GALNTL6: variants seen among roughly 807,000 people sequenced by gnomAD.
GALNTL6 encodes polypeptide N-acetylgalactosaminyltransferase like 6.
GALNTL6 carries 46 observed loss-of-function variants against 73.7 expected under a neutral mutation model. The ratio of observed to expected loss-of-function variants is 0.62; its 90% confidence interval spans 0.49 to 0.80. The LOEUF (loss-of-function observed/expected upper bound fraction) is 0.80, where lower values mean the gene tolerates loss of function less well. Ranked by LOEUF, GALNTL6 falls within the 30% of genes least tolerant of loss-of-function variation. The pLI is 0.00. For missense variants in GALNTL6, 604 were observed against 755.0 expected (o/e 0.80, Z 2.34); for synonymous variants, 259 against 263.7 (o/e 0.98, Z 0.17).
At chr4:172,019,371 T>G (rs1741323901) in intron 2 of GALNTL6, among the ~76,000 whole-genome samples, 1 of 152,018 alleles carries the variant, frequency 6.6e-6, no homozygotes, top group East Asian at 1.9e-4. Flanking sequence ...TTGATCTCCT[T>G]ATAGATGAAT....
chr4:173,028,469 C>T (rs1303963701), intron 12 of GALNTL6, among the ~76,000 whole-genome samples: 2 of 151,916 alleles, frequency 1.3e-5, no homozygotes, highest in Admixed American at 6.6e-5. Flanking sequence ...TTGGAATTTC[C>T]CCCTCTTTCT....
At chr4:171,930,174 C>T (rs553266444) in intron 2 of GALNTL6, among the ~76,000 whole-genome samples, 3 of 152,234 alleles carry the variant, frequency 2.0e-5, no homozygotes, top group Non-Finnish European at 4.4e-5. Flanking sequence ...GGAGAGCACA[C>T]GCGACAGCCT....
intron 10 of GALNTL6, among the ~76,000 whole-genome samples, chr4:173,000,271 G>A (rs999322350): frequency 2.6e-5 from 4 of 151,994 alleles, no homozygotes; most frequent in Admixed American, 6.6e-5. Context: ...TCAAACTCTG[G>A]GCAGTCTAAC....
intron 7 of GALNTL6, among the ~76,000 whole-genome samples, chr4:172,819,591 G>A (rs898190490): frequency 7.9e-5 from 12 of 152,160 alleles, no homozygotes; most frequent in African/African-American, 1.9e-4. Flanking sequence ...TCTTTCACAC[G>A]TGATGAAGGG....
chr4:172,526,225 T>C (rs972813960), intron 5 of GALNTL6, among the ~76,000 whole-genome samples: 1 of 152,216 alleles, frequency 6.6e-6, no homozygotes, highest in African/African-American at 2.4e-5. Flanking sequence ...AGTTGTAAAA[T>C]ATGTCATATT....
chr4:172,598,189 C>G (rs145406316), intron 5 of GALNTL6, among the ~76,000 whole-genome samples: 4 of 152,182 alleles, frequency 2.6e-5, no homozygotes, highest in African/African-American at 7.2e-5. Context: ...GGCCATCTGC[C>G]TTTTCTGTGT....
intron 2 of GALNTL6, among the ~76,000 whole-genome samples, chr4:171,824,960 T>C (rs1223611813): frequency 6.6e-6 from 1 of 152,166 alleles, no homozygotes; most frequent in Non-Finnish European, 1.5e-5. Context: ...CAACAGAGAA[T>C]GTAGCTCTTC....
chr4:171,999,258 G>A (rs1427211522), intron 2 of GALNTL6, among the ~76,000 whole-genome samples: 1 of 152,132 alleles, frequency 6.6e-6, no homozygotes, highest in Non-Finnish European at 1.5e-5. Context: ...AGATTTGAGG[G>A]CTAACACCAT....
chr4:171,961,990 C>T (rs1317737411), intron 2 of GALNTL6, among the ~76,000 whole-genome samples: 3 of 152,142 alleles, frequency 2.0e-5, no homozygotes, highest in Non-Finnish European at 4.4e-5. Flanking sequence ...ACTCTTAAAT[C>T]GAACACTTAT....
Position 172,809,286 on chromosome 4 carries a change from C to G in GALNTL6, c.554-75C>G, listed in dbSNP as rs1741149299. On this transcript the variant is annotated intron_variant, in intron 5 of 12. Coordinates refer to ENST00000506823, the MANE Select transcript of GALNTL6 (RefSeq NM_001034845.3). This position sits in a 1 kb window ranked among gnomAD's most constrained non-coding sequence, Gnocchi z 4.4. ...ATTCATCAGTCACATACTCTCTATG[C>G]ACAAACAACCGTGAATAATTCAGCT... is the stretch of plus-strand genomic sequence containing the variant. The G allele has an allele frequency of 2.5e-6, 3 of 1,212,500 alleles. No homozygotes were observed. The South Asian group carries it at 4.0e-5, about 16-fold the overall frequency. 75.1% of individuals were successfully genotyped at this position (1,212,500 alleles called of 1,614,324 possible).
intron 5 of GALNTL6, among the ~76,000 whole-genome samples, chr4:172,734,319 T>A (rs780064758): frequency 1.3e-5 from 2 of 152,158 alleles, no homozygotes; most frequent in Non-Finnish European, 2.9e-5. Flanking sequence ...GAAATTTGCA[T>A]AAGTAACAAG....
intron 2 of GALNTL6, among the ~76,000 whole-genome samples, chr4:172,214,321 T>A (rs1736423658): frequency 6.6e-6 from 1 of 152,180 alleles, no homozygotes; most frequent in Non-Finnish European, 1.5e-5. Context: ...TTTGTTAATA[T>A]CTATAAAATA....
intron 7 of GALNTL6, among the ~76,000 whole-genome samples, chr4:172,847,149 G>A (rs1361666543): frequency 4.6e-5 from 7 of 152,206 alleles, no homozygotes; most frequent in Non-Finnish European, 1.0e-4. Flanking sequence ...TTGACCTATG[G>A]CAAACATGAA....
chr4:172,283,269 CTG>C (rs1739128116), intron 3 of GALNTL6, among the ~76,000 whole-genome samples: 1 of 152,136 alleles, frequency 6.6e-6, no homozygotes, highest in African/African-American at 2.4e-5. Flanking sequence ...AGAAATCAAA[CTG>C]TATAATACGG....
At chr4:172,812,704 T>C (rs1216513169) in intron 6 of GALNTL6, among the ~76,000 whole-genome samples, 2 of 152,176 alleles carry the variant, frequency 1.3e-5, no homozygotes, top group Non-Finnish European at 2.9e-5. Context: ...AGAGGTTGCA[T>C]CTTGGTTGTT....
rs539058251 is a variant in GALNTL6 at position 172,764,456 on chromosome 4, T to C, written c.554-44905T>C. ...ATCAGCTAAAACTAGTTATATATAA[T>C]AATTATTGTACAGTTATTTTTATAA... On this transcript the variant is annotated intron_variant, in intron 5 of 12. Transcript: ENST00000506823. Among the ~76,000 whole-genome samples, 90 of 151,972 alleles carry C rather than the reference T, an allele frequency of 5.9e-4. 1 individual carries two copies. Among genetic ancestry groups the C allele is most frequent in the Non-Finnish European group, 1.2e-3 (80 of 67,992 alleles).
intron 2 of GALNTL6, among the ~76,000 whole-genome samples, chr4:172,141,194 G>A (rs958486107): frequency 6.6e-6 from 1 of 152,026 alleles, no homozygotes; most frequent in Admixed American, 6.6e-5. Flanking sequence ...CTTTTTCAGT[G>A]TGCTGGATAG....
intron 2 of GALNTL6, among the ~76,000 whole-genome samples, chr4:172,044,260 A>G (rs1434783428): frequency 6.6e-6 from 1 of 151,974 alleles, no homozygotes; most frequent in East Asian, 1.9e-4. Context: ...TCATATATTG[A>G]CTATTGTTAT....
chr4:172,733,754 A>ATTT (rs1736292307), intron 5 of GALNTL6, among the ~76,000 whole-genome samples: 1 of 152,174 alleles, frequency 6.6e-6, no homozygotes, highest in African/African-American at 2.4e-5. Context: ...GCCATGTGGA[A>ATTT]CTGTGATTTC....
Sources: gnomAD v4.1 joint callset for allele counts (sites outside exome capture counted in the v4.1 genomes callset) on GRCh38, gnomAD v4.1.1 for gene constraint, Gnocchi (gnomAD v3.1) non-coding constraint, MANE v1.5 for transcripts, NCBI Gene and HGNC (gene_info 2026-07-23, HGNC 2026-07-21) for gene names.